DENND2B: variants seen among roughly 807,000 people sequenced by gnomAD.
DENND2B encodes DENN domain-containing protein 2B.
In DENND2B, 32 loss-of-function variants were observed where a neutral mutation model predicts 116.0. That is an observed-to-expected ratio of 0.28 (90% confidence interval 0.21 to 0.37). DENND2B has a LOEUF of 0.37. Ranked by LOEUF, DENND2B falls within the 10% of genes least tolerant of loss-of-function variation. The pLI is 1.00. For synonymous variants in DENND2B, 588 were observed against 583.9 expected, an observed-to-expected ratio of 1.01 and a Z score of -0.10; for missense variants, 1,276 against 1,477.7, an observed-to-expected ratio of 0.86 and a Z score of 2.24.
rs1000879437 is a variant in DENND2B, at chr11:8,702,651, G to A, written c.2641C>T (p.Leu881Phe). ...ATTCGGATGAGCTGGCGCACACTGA[G>A]GCAGGTAAAAAGGCACTCAAAGTCC... ...HVDFECLFTC[L>F]SVRQLIRIFA... Residue 881 changes from leucine to phenylalanine, a missense_variant, in exon 14 of 20, where the codon CTC becomes TTC. By Grantham distance (22) the Leu-to-Phe change is conservative. Transcript: ENST00000313726. This position sits in a 1 kb window ranked among gnomAD's most constrained non-coding sequence, Gnocchi z 4.6. 6.2e-7 allele frequency: 1 copy of A among 1,613,852 alleles called. No homozygotes were observed. The highest frequency in any genetic ancestry group is 1.3e-5 in the African/African-American group (1 of 74,924).
At chr11:8,699,086 G>T (rs1341846055) in intron 15 of DENND2B, 112 bp from the exon 16 acceptor site, 28 of 1,537,658 alleles carry the variant, frequency 1.8e-5, no homozygotes, top group South Asian at 3.7e-5. Context: ...AAGTACTCCA[G>T]CCGGGGATAG....
intron 1 of DENND2B, chr11:8,809,574 C>T (rs1032982133): frequency 1.3e-5 from 2 of 152,284 alleles, no homozygotes; most frequent in African/African-American, 4.8e-5. Context: ...ACCTATAAAA[C>T]TGCCTTTCTG....
intron 16 of DENND2B, chr11:8,697,981 A>G (rs559729009): frequency 2.2e-6 from 1 of 448,498 alleles, no homozygotes; most frequent in East Asian, 6.7e-5. Context: ...AACACACACA[A>G]AAAAACAATT....
upstream of DENND2B, among the ~76,000 whole-genome samples, chr11:8,874,454 G>A (rs190114284): frequency 3.2e-3 from 494 of 152,276 alleles, 2 homozygotes; most frequent in Middle Eastern, 0.01. Flanking sequence ...AGCATGGTGA[G>A]TTGTCTGGGT....
intron 4 of DENND2B, among the ~76,000 whole-genome samples, chr11:8,824,402 C>T (rs1380151564): frequency 6.6e-6 from 1 of 152,114 alleles, no homozygotes; most frequent in Non-Finnish European, 1.5e-5. Context: ...CTCTATGTGT[C>T]CATGTGTACT....
intron 14 of DENND2B, among the ~76,000 whole-genome samples, chr11:8,701,564 C>G (rs1238593457): frequency 1.3e-5 from 2 of 152,016 alleles, no homozygotes; most frequent in Non-Finnish European, 2.9e-5. Context: ...ATTAAACTCT[C>G]CGCTCCTTAA....
At chr11:8,749,268 C>G (rs2051887030) in intron 2 of DENND2B, among the ~76,000 whole-genome samples, 1 of 152,222 alleles carries the variant, frequency 6.6e-6, no homozygotes, top group Admixed American at 6.5e-5. Context: ...GTTTCTCCAC[C>G]TGCTTTGCCC....
upstream of DENND2B, chr11:8,811,190 TG>T (rs2061358775): frequency 2.5e-6 from 1 of 398,104 alleles, no homozygotes; most frequent in African/African-American, 2.1e-5. Flanking sequence ...GGGCAGCAGT[TG>T]GGGCGGAAAT....
chr11:8,724,380 A>G (rs2046731731), intron 4 of DENND2B, among the ~76,000 whole-genome samples: 1 of 152,134 alleles, frequency 6.6e-6, no homozygotes, highest in Admixed American at 6.5e-5. Flanking sequence ...TGTATTAACT[A>G]ACACCACATT....
chr11:8,905,579 A>T (rs1388991082), intron 1 of DENND2B, among the ~76,000 whole-genome samples: 1 of 152,226 alleles, frequency 6.6e-6, no homozygotes, highest in Non-Finnish European at 1.5e-5. Context: ...TTTAAATGTT[A>T]GTACTTCAAA....
intron 1 of DENND2B, chr11:8,809,607 A>C (rs1283602601): frequency 6.6e-6 from 1 of 152,376 alleles, no homozygotes; most frequent in Non-Finnish European, 1.5e-5. Flanking sequence ...TTCCAAGGCC[A>C]CACAGCTCAC....
At chr11:8,806,034 G>C (rs1323869111) in intron 1 of DENND2B, among the ~76,000 whole-genome samples, 2 of 152,108 alleles carry the variant, frequency 1.3e-5, no homozygotes, top group Non-Finnish European at 2.9e-5. Context: ...GGGGCAGTCT[G>C]GCCTTCTGCT....
At chr11:8,872,502 A>T (rs35997109), upstream of DENND2B, among the ~76,000 whole-genome samples, 1 of 151,452 alleles carries the variant, frequency 6.6e-6, no homozygotes, top group Admixed American at 6.6e-5. Context: ...AAAAAAAAAA[A>T]GAAAAAAAAA....
chr11:8,881,091 A>C (rs926076566), exon 2 of DENND2B: 1 of 152,004 alleles, frequency 6.6e-6, no homozygotes, highest in African/African-American at 2.4e-5. Context: ...TATCTCCTCC[A>C]GTGGTTTTCT....
chr11:8,713,979 C>T lies in DENND2B; in HGVS notation c.1987+19G>A, dbSNP rs2044261807. 6.2e-7 allele frequency: 1 copy of T among 1,613,656 alleles called. No individual in the cohort carries two copies. ...GCCCTGCTGGGAGAGCTTCCGTACT[C>T]ATGGGAGCTGTGCCTCACCTTTGAA... is the stretch of plus-strand genomic sequence containing the variant. On this transcript the variant is annotated intron_variant, in intron 8 of 19. Transcript: ENST00000313726.
chr11:8,720,980 A>G (rs2046065364), intron 4 of DENND2B, among the ~76,000 whole-genome samples: 1 of 152,166 alleles, frequency 6.6e-6, no homozygotes, highest in African/African-American at 2.4e-5. Context: ...TTCTACCTGC[A>G]TTCCTGCCCA....
chr11:8,791,548 C>T (rs1176050011), intron 1 of DENND2B, among the ~76,000 whole-genome samples: 1 of 152,048 alleles, frequency 6.6e-6, no homozygotes, highest in Non-Finnish European at 1.5e-5. Flanking sequence ...AGGCGGATCG[C>T]TCAAGGTCAG....
chr11:8,892,375 A>C (rs1309415625), intron 1 of DENND2B, among the ~76,000 whole-genome samples: 3 of 152,224 alleles, frequency 2.0e-5, no homozygotes, highest in Non-Finnish European at 4.4e-5. Context: ...AAGCTAGCAG[A>C]AGGCAAGAAA....
At position 8,693,906 on chromosome 11, in the gene DENND2B, G is replaced by C; in HGVS notation, c.*190C>G. On this transcript the variant is annotated 3_prime_UTR_variant, in exon 20 of 20. Transcript: ENST00000313726. ...TTCTCTTTGCTTGTTACAAAAAACA[G>C]TTAAGAAAGCTTACAGCAGATTATT... 1 of 553,082 alleles carries C rather than the reference G, an allele frequency of 1.8e-6. No individual in the cohort carries two copies. Among genetic ancestry groups the C allele is most frequent in the Admixed American group, 3.5e-5 (1 of 28,982 alleles). The allele number at this position is 553,082 out of a possible 1,614,324, so 34.3% of individuals were successfully genotyped here. A position where few individuals can be genotyped will look rare whatever the true frequency, so the allele number is the denominator to read the frequency against.
Sources: allele counts gnomAD v4.1 joint callset (sites outside exome capture counted in the v4.1 genomes callset), GRCh38; gene constraint gnomAD v4.1.1; non-coding constraint Gnocchi (gnomAD v3.1); transcripts MANE v1.5; gene names NCBI Gene and HGNC (gene_info 2026-07-23, HGNC 2026-07-21).